Variants in PCDH10 observed in about 807,000 individuals in gnomAD.
PCDH10 encodes the protein protocadherin 10.
A neutral mutation model predicts 74.4 loss-of-function variants in PCDH10; 15 were observed. The observed-to-expected ratio is 0.20, with a 90% CI of 0.13 to 0.31. PCDH10 has a LOEUF of 0.31. PCDH10 is among the 10% of genes least tolerant of loss of function. PCDH10 has a pLI of 1.00. For synonymous variants in PCDH10, 619 were observed against 589.8 expected (o/e 1.05, Z -0.72); for missense variants, 1,260 against 1,390.2 (o/e 0.91, Z 1.49).
rs1055134237 is a variant in PCDH10, at chr4:133,192,782, A to T, written c.*2622A>T. 1.3e-5 allele frequency: 2 copies of T among 151,614 alleles called. No homozygotes were observed. Among genetic ancestry groups the T allele is most frequent in the East Asian group, 3.9e-4 (2 of 5,184 alleles). 9.4% of individuals were successfully genotyped at this position (151,614 alleles called of 1,614,324 possible). ...GAAGTTACAACAGAGTAAGGATATGATTCTTGTAAGTTGGTTAAAATGTTT... is the reference window on the plus strand; with the variant it reads ...GAAGTTACAACAGAGTAAGGATATGTTTCTTGTAAGTTGGTTAAAATGTTT... On this transcript the variant is annotated 3_prime_UTR_variant, in exon 5 of 5. Transcript: ENST00000264360.
chr4:133,152,003 G>C lies in PCDH10; in HGVS notation c.1863G>C (p.Val621=). 1 of 1,612,758 alleles carries C rather than the reference G, an allele frequency of 6.2e-7. No individual in the cohort carries two copies. The highest frequency in any genetic ancestry group is 8.5e-7 in the Non-Finnish European group (1 of 1,179,826). The stretch of plus-strand genomic sequence containing the variant: ...ACGCCCGGCTCACTTACAGCATCGT[G>C]CGTGGCAACGAAATGAACCTCTTTC... The part of the protein sequence containing the change: ...GENARLTYSI[V]RGNEMNLFRM... Residue 621 remains valine (V), a synonymous_variant, in exon 1 of 5, where the codon GTG becomes GTC. Transcript: ENST00000264360.
chr4:133,201,616 G>A (rs1727910986), intron 2 of PCDH10, among the ~76,000 whole-genome samples: 1 of 152,018 alleles, frequency 6.6e-6, no homozygotes, highest in Non-Finnish European at 1.5e-5. Flanking sequence ...CAGCACTTTG[G>A]GAGGCCAAGG....
chr4:133,206,494 C>T (rs1285239998), intron 2 of PCDH10, among the ~76,000 whole-genome samples: 2 of 152,160 alleles, frequency 1.3e-5, no homozygotes, highest in Non-Finnish European at 2.9e-5. Context: ...TTTGTGCTGT[C>T]AATTACTAAG....
chr4:133,185,000 T>C (rs1034790389), intron 4 of PCDH10, among the ~76,000 whole-genome samples: 2 of 148,308 alleles, frequency 1.3e-5, no homozygotes, highest in Admixed American at 1.4e-4. Flanking sequence ...ATTAATTATA[T>C]GAATGAAGAG....
intron 4 of PCDH10, among the ~76,000 whole-genome samples, chr4:133,182,001 G>C (rs1439211840): frequency 1.3e-5 from 2 of 152,050 alleles, no homozygotes; most frequent in African/African-American, 4.8e-5. Context: ...TAATACATTA[G>C]CTACGTGGCT....
chr4:133,197,613 G>A (rs1578581014), downstream of PCDH10, among the ~76,000 whole-genome samples: 1 of 152,142 alleles, frequency 6.6e-6, no homozygotes, highest in South Asian at 2.1e-4. Flanking sequence ...AAAATATTGT[G>A]TAGATGAAGA....
At chr4:133,201,884 G>A (rs1354729644) in intron 2 of PCDH10, among the ~76,000 whole-genome samples, 1 of 135,866 alleles carries the variant, frequency 7.4e-6, no homozygotes, top group East Asian at 2.3e-4. Flanking sequence ...AAAAGGAATT[G>A]TGCTTGGGGA....
intron 4 of PCDH10, 122 bp from the exon 5 acceptor site, chr4:133,190,019 A>T: frequency 1.3e-6 from 1 of 779,460 alleles, no homozygotes; most frequent in East Asian, 2.6e-5. Flanking sequence ...TTGACACTAC[A>T]TGTGTTTGGT....
chr4:133,156,469 C>G (rs1484232928), intron 3 of PCDH10, among the ~76,000 whole-genome samples: 2 of 152,244 alleles, frequency 1.3e-5, no homozygotes, highest in Non-Finnish European at 2.9e-5. Flanking sequence ...TGACAACAAA[C>G]CAGATCTTGC....
At chr4:133,159,043 T>G (rs1328137317) in intron 3 of PCDH10, among the ~76,000 whole-genome samples, 2 of 152,052 alleles carry the variant, frequency 1.3e-5, no homozygotes, top group Admixed American at 6.6e-5. Context: ...GTGGTTACAA[T>G]TAATGTATTT....
At chr4:133,165,498 C>G (rs865870496) in intron 4 of PCDH10, among the ~76,000 whole-genome samples, 2 of 151,564 alleles carry the variant, frequency 1.3e-5, no homozygotes, top group Non-Finnish European at 3.0e-5. Flanking sequence ...ATACTTGTGT[C>G]CTTTTTCATT....
rs766157310 is a variant in PCDH10, at chr4:133,152,628, G to T, written c.2488G>T (p.Ala830Ser). The change falls in exon 1 of 5, where the codon GCC (alanine) becomes TCC (serine). Residue 830 changes from alanine (A) to serine (S), a missense_variant. By Grantham distance (99) the Ala-to-Ser change is moderately conservative. Transcript: ENST00000264360. ...CYQVCLTPES[A>S]KTDLMFLKPC... is the part of the protein sequence containing the mutation. ...TCAGGTATGCCTGACCCCTGAGTCCGCCAAGACCGACCTGATGTTTCTTAA... is the reference window on the plus strand; with the variant it reads ...TCAGGTATGCCTGACCCCTGAGTCCTCCAAGACCGACCTGATGTTTCTTAA... The T allele has an allele frequency of 3.1e-6, 5 of 1,614,058 alleles. No individual in the cohort carries two copies. The East Asian group carries it at 6.7e-5, about 22-fold the overall frequency.
In PCDH10 at chr4:133,193,338, G is replaced by T. The variant is rs1432443347; in HGVS notation, c.*3178G>T. ...ATTTTATTTTTTAAAGATATTAAATGCACTGCCTTTATCAAACATTGCAAA... is the reference window on the plus strand; with the variant it reads ...ATTTTATTTTTTAAAGATATTAAATTCACTGCCTTTATCAAACATTGCAAA... On this transcript the variant is annotated 3_prime_UTR_variant, in exon 5 of 5. Transcript: ENST00000264360. 1.3e-5 allele frequency: 2 copies of T among 150,466 alleles called. No homozygotes were observed. The highest frequency in any genetic ancestry group is 2.4e-5 in the African/African-American group (1 of 41,074). 9.3% of individuals were successfully genotyped at this position (150,466 alleles called of 1,614,324 possible).
At chr4:133,154,588 A>G (rs762164673) in intron 2 of PCDH10, among the ~76,000 whole-genome samples, 2 of 152,214 alleles carry the variant, frequency 1.3e-5, no homozygotes, top group African/African-American at 2.4e-5. Flanking sequence ...TATTTTGTCA[A>G]TTTACACTCC....
chr4:133,165,493 T>A (rs1727060115), intron 4 of PCDH10, among the ~76,000 whole-genome samples: 1 of 151,724 alleles, frequency 6.6e-6, no homozygotes, highest in Non-Finnish European at 1.5e-5. Context: ...TTTTGATACT[T>A]GTGTCCTTTT....
intron 4 of PCDH10, among the ~76,000 whole-genome samples, chr4:133,166,227 G>A (rs147309006): frequency 1.9e-3 from 294 of 151,560 alleles, no homozygotes; most frequent in African/African-American, 6.6e-3. Flanking sequence ...CAGAAATGCC[G>A]TATTTAGATT....
chr4:133,163,034 G>A lies in PCDH10; in HGVS notation c.2855G>A (p.Arg952Gln). 1.2e-6 allele frequency: 2 copies of A among 1,614,076 alleles called. No homozygotes were observed. The highest frequency in any genetic ancestry group is 8.5e-7 in the Non-Finnish European group (1 of 1,180,004). Residue 952 changes from arginine to glutamine, a missense_variant, in exon 4 of 5, where the codon CGG becomes CAG. This residue lies in a region of PCDH10 where 136 missense variants were observed against 149.3 expected (regional missense o/e 0.91). Coordinates refer to ENST00000264360, the MANE Select transcript of PCDH10 (RefSeq NM_032961.3). ...EECKALGHSD[R>Q]CWMPSFVPSD... The stretch of plus-strand genomic sequence containing the variant: ...TGTAAAGCTCTGGGCCACTCAGATC[G>A]GTGCTGGATGCCTTCTTTTGTCCCT...
downstream of PCDH10, among the ~76,000 whole-genome samples, chr4:133,199,028 TC>T (rs1193424410): frequency 1.3e-5 from 2 of 152,078 alleles, no homozygotes; most frequent in African/African-American, 2.4e-5. Context: ...TTGTAATTAA[TC>T]CCAGCACTTT....
At chr4:133,205,122 C>G (rs1027199241) in intron 2 of PCDH10, among the ~76,000 whole-genome samples, 2 of 152,100 alleles carry the variant, frequency 1.3e-5, no homozygotes, top group African/African-American at 4.8e-5. Flanking sequence ...GGTTAGGAGA[C>G]CTCATCTTCT....
Sources: allele counts gnomAD v4.1 joint callset (sites outside exome capture counted in the v4.1 genomes callset), GRCh38; gene constraint gnomAD v4.1.1; regional missense constraint gnomAD v4.1.1; transcripts MANE v1.5; gene names NCBI Gene and HGNC (gene_info 2026-07-23, HGNC 2026-07-21).